The following MCPH1 variants were observed in gnomAD, a reference collection of about 807,000 sequenced individuals.
MCPH1 encodes microcephalin.
Under a neutral mutation model 84.5 loss-of-function variants are expected in MCPH1, and 104 were observed. That is an observed-to-expected ratio of 1.23 (90% CI 1.05 to 1.45). The LOEUF (loss-of-function observed/expected upper bound fraction) is 1.45, where lower values mean the gene tolerates loss of function less well. MCPH1 is among the 40% of genes most tolerant of loss of function. The pLI is 0.00. For synonymous variants in MCPH1, 514 were observed against 366.8 expected (o/e 1.40, Z -4.58); for missense variants, 1,498 against 1,005.7 (o/e 1.49, Z -6.62).
chr8:6,497,406 G>C (rs911332608), intron 11 of MCPH1, among the ~76,000 whole-genome samples: 1 of 152,158 alleles, frequency 6.6e-6, no homozygotes, highest in African/African-American at 2.4e-5. Flanking sequence ...AGGAGGCTGA[G>C]TCAGGAGAAT....
At chr8:6,576,370 G>A (rs893855475) in intron 12 of MCPH1, among the ~76,000 whole-genome samples, 3 of 152,052 alleles carry the variant, frequency 2.0e-5, no homozygotes, top group Admixed American at 6.5e-5. Context: ...CCATATGTCT[G>A]TAACCATTGT....
intron 3 of MCPH1, among the ~76,000 whole-genome samples, chr8:6,417,665 C>A (rs575407010): frequency 2.0e-5 from 3 of 151,838 alleles, no homozygotes; most frequent in Non-Finnish European, 4.4e-5. Context: ...CTTTTTATTT[C>A]GGTTTCATGT....
intron 13 of MCPH1, among the ~76,000 whole-genome samples, chr8:6,641,672 A>C (rs947300886): frequency 3.4e-4 from 51 of 152,216 alleles, no homozygotes; most frequent in African/African-American, 1.2e-3. Context: ...TGAGTCCAGG[A>C]GACTGAGGCT....
chr8:6,448,357 C>T (rs569298559), intron 8 of MCPH1, among the ~76,000 whole-genome samples: 54 of 152,232 alleles, frequency 3.5e-4, no homozygotes, highest in African/African-American at 1.3e-3. Context: ...ACGGGGAGGC[C>T]AGTACAGCAA....
intron 12 of MCPH1, chr8:6,509,102 C>T (rs1319942739): frequency 1.9e-6 from 3 of 1,596,530 alleles, no homozygotes; most frequent in Non-Finnish European, 2.6e-6. Flanking sequence ...TGGCTAGGGT[C>T]ATTGATTTAC....
chr8:6,537,941 A>G (rs1321417504), intron 12 of MCPH1, among the ~76,000 whole-genome samples: 1 of 152,144 alleles, frequency 6.6e-6, no homozygotes, highest in Non-Finnish European at 1.5e-5. Context: ...GTTTTTGTCC[A>G]TCTGAGTGAC....
At chr8:6,447,366 C>T in intron 8 of MCPH1, 2 of 985,290 alleles carry the variant, frequency 2.0e-6, no homozygotes, top group East Asian at 1.1e-4. Context: ...AACTGTACCT[C>T]CAAATCTTTA....
intron 12 of MCPH1, among the ~76,000 whole-genome samples, chr8:6,533,207 G>T (rs1333577955): frequency 6.6e-6 from 1 of 152,182 alleles, no homozygotes; most frequent in East Asian, 1.9e-4. Context: ...CTCTCCCTCA[G>T]TTACTAAAGA....
In MCPH1 at chr8:6,643,322, T is replaced by A. The variant is rs1162976737; in HGVS notation, c.*273T>A. 8.8e-6 allele frequency: 4 copies of A among 452,010 alleles called. No homozygotes were observed. The highest frequency in any genetic ancestry group is 1.6e-5 in the Non-Finnish European group (4 of 248,566). The allele number at this position is 452,010 out of a possible 1,614,324, so 28.0% of individuals were successfully genotyped here. On this transcript the variant is annotated 3_prime_UTR_variant, in exon 14 of 14. Transcript: ENST00000344683. The stretch of plus-strand genomic sequence containing the variant: ...CCCTGTTTCCCAGGCTGGAGTGCAA[T>A]GGCACAATCTCGGCTCACTGCAACC...
intron 12 of MCPH1, among the ~76,000 whole-genome samples, chr8:6,551,516 C>T (rs1284428505): frequency 6.6e-6 from 1 of 152,174 alleles, no homozygotes; most frequent in Non-Finnish European, 1.5e-5. Flanking sequence ...ATCACAAAAT[C>T]ACCAGTTGTT....
intron 12 of MCPH1, among the ~76,000 whole-genome samples, chr8:6,592,641 T>TTTTTTTTTTG (rs1238168977): frequency 2.5e-4 from 27 of 107,416 alleles, no homozygotes; most frequent in Admixed American, 4.3e-4. Context: ...TTTTTTTTTT[T>TTTTTTTTTTG]TTGTTGCTGT....
rs368555364 is a variant in MCPH1 at position 6,642,957 on chromosome 8, A to G, written c.2453-37A>G. On this transcript the variant is annotated intron_variant, in intron 13 of 13. Coordinates refer to ENST00000344683, the MANE Select transcript of MCPH1 (RefSeq NM_024596.5). ...TTATCACTTTCCTATGTGGCTGGCTATTATGAATGCTAAACTGCTTTTCGC... is the reference window on the plus strand; with the variant it reads ...TTATCACTTTCCTATGTGGCTGGCTGTTATGAATGCTAAACTGCTTTTCGC... 6 of 1,598,044 alleles carry G rather than the reference A, an allele frequency of 3.8e-6. No individual in the cohort carries two copies. The African/African-American group carries it at 5.4e-5, about 14-fold the overall frequency.
At chr8:6,430,067 G>T (rs1385044042) in intron 3 of MCPH1, among the ~76,000 whole-genome samples, 1 of 152,204 alleles carries the variant, frequency 6.6e-6, no homozygotes, top group Non-Finnish European at 1.5e-5. Flanking sequence ...TCTGCTTCCA[G>T]ATGGAAGATC....
chr8:6,609,668 G>A (rs899648454), intron 12 of MCPH1, among the ~76,000 whole-genome samples: 1 of 152,150 alleles, frequency 6.6e-6, no homozygotes, highest in Non-Finnish European at 1.5e-5. Flanking sequence ...ATCCTGATGC[G>A]CTTTTACTTT....
At chr8:6,531,802 A>T (rs199529742) in intron 12 of MCPH1, among the ~76,000 whole-genome samples, 911 of 17,360 alleles carry the variant, frequency 0.052, 12 homozygotes, top group East Asian at 0.2. Flanking sequence ...GCTCGGGCGT[A>T]GCACCATCTT....
At chr8:6,593,690 C>G (rs56099205) in intron 12 of MCPH1, among the ~76,000 whole-genome samples, 3,201 of 152,252 alleles carry the variant, frequency 0.021, 119 homozygotes, top group African/African-American at 0.073. Context: ...TTTGTCTTTG[C>G]TCTGGTTGCG....
intron 11 of MCPH1, among the ~76,000 whole-genome samples, chr8:6,489,547 GA>G (rs1328801495): frequency 6.6e-6 from 1 of 152,204 alleles, no homozygotes; most frequent in Non-Finnish European, 1.5e-5. Context: ...GACAGTTGAA[GA>G]GTCAATGGTA....
At chr8:6,625,626 C>A in intron 13 of MCPH1, 2 of 985,216 alleles carry the variant, frequency 2.0e-6, no homozygotes, top group Non-Finnish European at 2.4e-6. Context: ...AAGGTAGGGT[C>A]CCTGAGCGTC....
chr8:6,538,609 C>A (rs1490245041), intron 12 of MCPH1, among the ~76,000 whole-genome samples: 6 of 152,204 alleles, frequency 3.9e-5, no homozygotes, highest in Admixed American at 2.0e-4. Context: ...TGTATCTCCT[C>A]CTTGAGTCTT....
Sources: allele counts gnomAD v4.1 joint callset (sites outside exome capture counted in the v4.1 genomes callset), GRCh38; gene constraint gnomAD v4.1.1; transcripts MANE v1.5; gene names NCBI Gene and HGNC (gene_info 2026-07-23, HGNC 2026-07-21).